The following AFF1 variants were observed in gnomAD, a reference collection of about 807,000 sequenced individuals.
AFF1 encodes AF4/FMR2 family member 1.
Under a neutral mutation model 121.7 loss-of-function variants are expected in AFF1, and 48 were observed. The ratio of observed to expected loss-of-function variants is 0.39; its 90% CI spans 0.31 to 0.50. The LOEUF is 0.50. Ranked by LOEUF, AFF1 falls within the 20% of genes least tolerant of loss-of-function variation. The pLI is 0.76. For synonymous variants in AFF1, 613 were observed against 563.0 expected, an observed-to-expected ratio of 1.09 and a Z score of -1.26; for missense variants, 1,523 against 1,511.7, an observed-to-expected ratio of 1.01 and a Z score of -0.12.
At chr4:86,997,154 C>A (rs142174887) in intron 2 of AFF1, among the ~76,000 whole-genome samples, 1 of 152,128 alleles carries the variant, frequency 6.6e-6, no homozygotes, top group Non-Finnish European at 1.5e-5. Flanking sequence ...TCAGGTGATC[C>A]GCCCGCCTTG....
chr4:87,126,995 T>A, intron 14 of AFF1, 31 bp from the exon 15 acceptor site: 1 of 1,577,226 alleles, frequency 6.3e-7, no homozygotes, highest in Non-Finnish European at 8.7e-7. Context: ...AATGTTAGAG[T>A]GTAATCTGTA....
chr4:86,996,210 C>T (rs1446732477), intron 2 of AFF1, among the ~76,000 whole-genome samples: 1 of 152,178 alleles, frequency 6.6e-6, no homozygotes. Flanking sequence ...GGCCACCACC[C>T]CGTCTGGGAG....
chr4:87,081,031 G>GT lies in AFF1; in HGVS notation c.1060-3088dup, dbSNP rs575720566. ...AACTTACTCTTAAACAGTTCAAAAT[G>GT]TAGGTGAGCAGAAGAGAAAAATATA... On this transcript the variant is annotated intron_variant, in intron 4 of 20. Coordinates refer to ENST00000395146, the MANE Select transcript of AFF1 (RefSeq NM_001166693.3). Among the ~76,000 whole-genome samples, 142 of 152,192 alleles carry GT rather than the reference G, an allele frequency of 9.3e-4. 1 individual carries two copies. The highest frequency in any genetic ancestry group is 3.0e-3 in the African/African-American group (123 of 41,530).
chr4:87,007,446 CT>C (rs763105708), intron 2 of AFF1: 2 of 1,613,980 alleles, frequency 1.2e-6, no homozygotes, highest in Non-Finnish European at 1.7e-6. Context: ...ACCGGAGAAA[CT>C]TTTCAAACGC....
chr4:86,983,766 A>C (rs944333280), intron 2 of AFF1, among the ~76,000 whole-genome samples: 2 of 151,074 alleles, frequency 1.3e-5, no homozygotes, highest in African/African-American at 4.9e-5. Context: ...CGCCAGGCGC[A>C]GTGGCTCACG....
At chr4:87,128,389 T>C (rs1031523539) in intron 16 of AFF1, among the ~76,000 whole-genome samples, 2 of 152,236 alleles carry the variant, frequency 1.3e-5, no homozygotes, top group Non-Finnish European at 2.9e-5. Context: ...ACTGCAATAA[T>C]GAGATAATGT....
intron 4 of AFF1, among the ~76,000 whole-genome samples, chr4:87,073,703 G>T (rs925070673): frequency 1.6e-4 from 24 of 152,152 alleles, no homozygotes; most frequent in African/African-American, 5.8e-4. Context: ...CTGATACAAA[G>T]TTGTTTTTTT....
rs140196770 is a variant in AFF1, at chr4:87,114,652, G to A, written c.1819G>A (p.Val607Ile). The stretch of plus-strand genomic sequence containing the variant: ...GCAGGAGCCCCCACAAAGGCAAACC[G>A]TTGGAACCAAACAACCCAAAAAACC... ...AQQEPPQRQT[V>I]GTKQPKKPVK... The change falls in exon 12 of 21, where the codon GTT becomes ATT. Residue 607 changes from valine (V) to isoleucine (I), a missense_variant. Val to Ile is a conservative substitution (Grantham distance 29). Around this residue, in one of 5 missense-constraint regions of AFF1, gnomAD observed 905 missense variants for 842.5 expected, o/e 1.07. Transcript: ENST00000395146. 8.1e-5 allele frequency: 112 copies of A among 1,382,702 alleles called. No individual in the cohort carries two copies. In the African/African-American group the frequency reaches 1.3e-3, roughly 15 times the overall value. The allele number at this position is 1,382,702 out of a possible 1,614,324, so 85.7% of individuals were successfully genotyped here. A position where few individuals can be genotyped will look rare whatever the true frequency, so the allele number is the denominator to read the frequency against.
At chr4:86,939,702 TATAG>T (rs1158167733) in intron 1 of AFF1, among the ~76,000 whole-genome samples, 3 of 152,200 alleles carry the variant, frequency 2.0e-5, no homozygotes. Context: ...ATTTCCTTCT[TATAG>T]ATACAGTGAA....
chr4:86,939,974 G>A (rs1018916539), intron 1 of AFF1, among the ~76,000 whole-genome samples: 1 of 152,186 alleles, frequency 6.6e-6, no homozygotes, highest in African/African-American at 2.4e-5. Context: ...TTGAATCTTG[G>A]ATATGCTACC....
intron 5 of AFF1, 30 bp from the exon 6 acceptor site, chr4:87,089,954 T>A (rs1724130705): frequency 6.4e-7 from 1 of 1,565,516 alleles, no homozygotes. Context: ...TATAATTTAC[T>A]TTTTCTTCCC....
chr4:86,950,696 A>G (rs1001770163), intron 2 of AFF1, among the ~76,000 whole-genome samples: 4 of 152,152 alleles, frequency 2.6e-5, no homozygotes, highest in Admixed American at 2.0e-4. Context: ...GTGGGCTGCT[A>G]AACTTGGTTT....
chr4:87,087,602 C>T (rs1723863502), intron 5 of AFF1, among the ~76,000 whole-genome samples: 1 of 152,240 alleles, frequency 6.6e-6, no homozygotes, highest in Admixed American at 6.5e-5. Flanking sequence ...TCTTTCTGAG[C>T]AGCCTCTTCT....
rs756604251 is a variant in AFF1 at position 87,126,280 on chromosome 4, A to G, written c.2755A>G (p.Ile919Val). Residue 919 changes from isoleucine to valine, a missense_variant, in exon 14 of 21, where the codon ATT becomes GTT. This residue lies in a region of AFF1 where 905 missense variants were observed against 842.5 expected (regional missense o/e 1.07). Transcript: ENST00000395146. ...CAAGAGCAACCACAAAGACTCTTCC[A>G]TTCCCAAGCAGAGAAGAGTAGAGGG... ...STKSNHKDSS[I>V]PKQRRVEGKG... The G allele has an allele frequency of 4.3e-6, 7 of 1,614,104 alleles. No individual in the cohort carries two copies. The Admixed American group carries it at 8.3e-5, about 19-fold the overall frequency.
intron 2 of AFF1, among the ~76,000 whole-genome samples, chr4:87,020,514 T>A (rs1727791806): frequency 6.6e-6 from 1 of 152,188 alleles, no homozygotes; most frequent in African/African-American, 2.4e-5. Flanking sequence ...AGATGGAGTC[T>A]TGCTCTGTTG....
intron 4 of AFF1, among the ~76,000 whole-genome samples, chr4:87,062,435 T>C (rs3116678): frequency 0.81 from 123,732 of 152,134 alleles, 50,504 homozygotes; most frequent in African/African-American, 0.88. Context: ...CCTCTTAATA[T>C]TATCACCTTG....
chr4:87,040,101 AGGCT>A (rs1384186144), intron 2 of AFF1, among the ~76,000 whole-genome samples: 1 of 152,152 alleles, frequency 6.6e-6, no homozygotes, highest in Non-Finnish European at 1.5e-5. Context: ...CATGTGGGCC[AGGCT>A]GGTCTCAAAC....
At chr4:87,021,156 TC>T (rs1468508654) in intron 2 of AFF1, among the ~76,000 whole-genome samples, 1 of 152,202 alleles carries the variant, frequency 6.6e-6, no homozygotes, top group African/African-American at 2.4e-5. Context: ...ATGTAATTTT[TC>T]TGAGTCTTCT....
In AFF1 at chr4:87,049,699, G is replaced by A. The variant is rs370650672; in HGVS notation, c.1059+2105G>A. ...CGGTGGTTCCCTCTGGTCTCGGCCC[G>A]AGTTCTCATGCCAGGCAGCGGCAGC... On this transcript the variant is annotated intron_variant, in intron 4 of 20. Transcript: ENST00000395146. 3.3e-5 allele frequency: 15 copies of A among 456,204 alleles called. No individual in the cohort carries two copies. In the East Asian group the frequency reaches 6.3e-4, roughly 19 times the overall value. 28.3% of individuals were successfully genotyped at this position (456,204 alleles called of 1,614,324 possible).
Sources: gnomAD v4.1 joint callset for allele counts (sites outside exome capture counted in the v4.1 genomes callset) on GRCh38, gnomAD v4.1.1 for gene constraint, gnomAD v4.1.1 regional missense constraint, MANE v1.5 for transcripts, NCBI Gene and HGNC (gene_info 2026-07-23, HGNC 2026-07-21) for gene names.